Variants in SNX24 observed in about 807,000 individuals in gnomAD.
SNX24 encodes sorting nexin 24.
In SNX24, 22 loss-of-function variants were observed where a neutral mutation model predicts 28.7. The ratio of observed to expected loss-of-function variants is 0.77; its 90% CI spans 0.55 to 1.10. The LOEUF (loss-of-function observed/expected upper bound fraction) is 1.10. Among genes scored for constraint, SNX24 ranks in the 50% least tolerant of loss-of-function variants. SNX24 has a pLI of 0.00. For missense variants in SNX24, 221 were observed against 201.1 expected, an observed-to-expected ratio of 1.10 and a Z score of -0.60; for synonymous variants, 69 against 71.5, an observed-to-expected ratio of 0.96 and a Z score of 0.18.
At chr5:122,938,623 C>T (rs1249103492) in intron 2 of SNX24, among the ~76,000 whole-genome samples, 1 of 151,638 alleles carries the variant, frequency 6.6e-6, no homozygotes, top group African/African-American at 2.4e-5. Flanking sequence ...TGATTGTATT[C>T]GATTTGGCAA....
chr5:122,893,406 G>A (rs994983538), intron 1 of SNX24, among the ~76,000 whole-genome samples: 1 of 152,000 alleles, frequency 6.6e-6, no homozygotes, highest in Non-Finnish European at 1.5e-5. Context: ...ATAATGGTAT[G>A]TAGAAACCAA....
chr5:123,001,988 C>G lies in SNX24; in HGVS notation c.426C>G (p.Val142=), dbSNP rs1177233831. 6.2e-7 allele frequency: 1 copy of G among 1,613,928 alleles called. No homozygotes were observed. Among genetic ancestry groups the G allele is most frequent in the Non-Finnish European group, 8.5e-7 (1 of 1,179,906 alleles). ...PVLLFLRDPY[V]LPAASDFPNV... Reference sequence around the variant, plus strand: ...TGCTGTTCCTCAGGGATCCATATGTCTTGCCTGCAGCCAGCGGTAATCAAA... The same window carrying G: ...TGCTGTTCCTCAGGGATCCATATGTGTTGCCTGCAGCCAGCGGTAATCAAA... The change falls in exon 6 of 7, where the codon GTC becomes GTG. Residue 142 remains valine, a synonymous_variant. Transcript: ENST00000261369.
intron 1 of SNX24, among the ~76,000 whole-genome samples, chr5:122,870,207 C>T (rs1401659505): frequency 1.3e-5 from 2 of 152,202 alleles, no homozygotes; most frequent in African/African-American, 4.8e-5. Context: ...TTTTTAGTCT[C>T]TATCAACCTA....
chr5:122,849,101 G>C (rs1754782612), intron 1 of SNX24, among the ~76,000 whole-genome samples: 1 of 152,244 alleles, frequency 6.6e-6, no homozygotes, highest in Non-Finnish European at 1.5e-5. Context: ...CCCACTACTA[G>C]GATTTCTGTA....
At chr5:122,943,216 A>G (rs1292988157) in intron 2 of SNX24, among the ~76,000 whole-genome samples, 111 of 152,256 alleles carry the variant, frequency 7.3e-4, no homozygotes, top group Non-Finnish European at 8.8e-5. Context: ...TCAATACTGA[A>G]TCAGTCTCAT....
intron 3 of SNX24, among the ~76,000 whole-genome samples, chr5:122,983,294 T>C (rs1761465971): frequency 6.6e-6 from 1 of 152,154 alleles, no homozygotes; most frequent in Non-Finnish European, 1.5e-5. Context: ...AATTTAAATT[T>C]TGCATATTCT....
At chr5:122,875,405 T>C (rs1756179249) in intron 1 of SNX24, among the ~76,000 whole-genome samples, 1 of 152,244 alleles carries the variant, frequency 6.6e-6, no homozygotes, top group Admixed American at 6.5e-5. Flanking sequence ...ATACACACTT[T>C]TAAAGAAATC....
intron 1 of SNX24, among the ~76,000 whole-genome samples, chr5:122,896,838 T>C (rs895527337): frequency 1.3e-4 from 20 of 152,248 alleles, no homozygotes; most frequent in African/African-American, 4.6e-4. Context: ...TTAAAAATTA[T>C]CACATTATGT....
chr5:122,926,643 A>C (rs1039365567), intron 1 of SNX24, among the ~76,000 whole-genome samples: 2 of 150,334 alleles, frequency 1.3e-5, no homozygotes, highest in Admixed American at 1.3e-4. Flanking sequence ...CTGTTTAAGA[A>C]CTGTTGGGGA....
At chr5:122,934,901 C>T (rs1561620695) in intron 1 of SNX24, among the ~76,000 whole-genome samples, 1 of 150,580 alleles carries the variant, frequency 6.6e-6, no homozygotes, top group Non-Finnish European at 1.5e-5. Context: ...TGAAGAGTAA[C>T]TGTGGAACTT....
At chr5:122,863,859 T>C (rs936720608) in intron 1 of SNX24, among the ~76,000 whole-genome samples, 8 of 152,066 alleles carry the variant, frequency 5.3e-5, no homozygotes, top group Non-Finnish European at 7.3e-5. Context: ...CTAGCCCATG[T>C]TGGCTTTTAC....
intron 1 of SNX24, among the ~76,000 whole-genome samples, chr5:122,886,171 C>G (rs1306616115): frequency 6.6e-6 from 1 of 152,136 alleles, no homozygotes. Flanking sequence ...ACACTTCAGA[C>G]ATGAATTAAG....
chr5:122,955,827 C>T (rs180964276), intron 3 of SNX24, among the ~76,000 whole-genome samples: 45 of 152,298 alleles, frequency 3.0e-4, no homozygotes, highest in Middle Eastern at 3.4e-3. Context: ...GCCCTGGTCC[C>T]TTACGAGGCT....
At chr5:122,851,516 C>G (rs1754918804) in intron 1 of SNX24, among the ~76,000 whole-genome samples, 2 of 152,154 alleles carry the variant, frequency 1.3e-5, no homozygotes, top group African/African-American at 4.8e-5. Context: ...GAATTAGATT[C>G]AAGTCCATTT....
intron 3 of SNX24, among the ~76,000 whole-genome samples, chr5:122,949,297 C>A (rs1759831808): frequency 6.6e-6 from 1 of 152,096 alleles, no homozygotes. Flanking sequence ...ATAAACATAT[C>A]ATATTAGTCT....
At chr5:122,884,251 C>CTTTTTTTTTTTTTTTTTTT (rs758617172) in intron 1 of SNX24, among the ~76,000 whole-genome samples, 2 of 92,778 alleles carry the variant, frequency 2.2e-5, no homozygotes, top group African/African-American at 8.8e-5. Context: ...GTTTCTTTTT[C>CTTTTTTTTTTTTTTTTTTT]TTTTTTTTTT....
At chr5:122,999,662 T>C (rs2150174737) in intron 3 of SNX24, among the ~76,000 whole-genome samples, 1 of 152,318 alleles carries the variant, frequency 6.6e-6, no homozygotes, top group East Asian at 1.9e-4. Flanking sequence ...GCATCTAGTG[T>C]ATAGTAGGTG....
At chr5:123,024,738 A>T (rs1011995342) in intron 5 of SNX24, among the ~76,000 whole-genome samples, 1 of 152,226 alleles carries the variant, frequency 6.6e-6, no homozygotes, top group Admixed American at 6.5e-5. Context: ...GTTGTGAAGG[A>T]ACTGCAGCGA....
intron 1 of SNX24, chr5:122,891,086 T>G: frequency 6.5e-7 from 1 of 1,535,034 alleles, no homozygotes; most frequent in Non-Finnish European, 8.8e-7. Context: ...AAGTTATTGT[T>G]CTGGAAATTG....
Sources: allele counts gnomAD v4.1 joint callset (sites outside exome capture counted in the v4.1 genomes callset), GRCh38; gene constraint gnomAD v4.1.1; transcripts MANE v1.5; gene names NCBI Gene and HGNC (gene_info 2026-07-23, HGNC 2026-07-21).